Variants in MTMR7 observed in about 807,000 individuals in gnomAD.
The protein encoded by MTMR7 is phosphatidylinositol-3-phosphate phosphatase MTMR7.
A neutral mutation model predicts 81.2 loss-of-function variants in MTMR7; 76 were observed. That is an observed-to-expected ratio of 0.94 (90% CI 0.78 to 1.13). The LOEUF (loss-of-function observed/expected upper bound fraction) is 1.13. Ranked by LOEUF, MTMR7 falls within the 50% of genes most tolerant of loss-of-function variation. The pLI is 0.00. For missense variants in MTMR7, 1,044 were observed against 820.0 expected (o/e 1.27, Z -3.34); for synonymous variants, 372 against 289.8 (o/e 1.28, Z -2.88).
At chr8:17,306,217 A>G (rs959698487) in intron 10 of MTMR7, among the ~76,000 whole-genome samples, 8 of 152,318 alleles carry the variant, frequency 5.3e-5, no homozygotes, top group Admixed American at 1.3e-4. Context: ...TAAAATTCAA[A>G]GACACTTTCC....
At chr8:17,412,968 C>G (rs893377852) in intron 1 of MTMR7, among the ~76,000 whole-genome samples, 3 of 152,362 alleles carry the variant, frequency 2.0e-5, no homozygotes, top group African/African-American at 7.2e-5. Context: ...AAGGGTTGAT[C>G]TACACCCAGT....
intron 1 of MTMR7, among the ~76,000 whole-genome samples, chr8:17,375,132 G>T (rs1342068333): frequency 2.0e-5 from 3 of 152,108 alleles, no homozygotes; most frequent in Non-Finnish European, 4.4e-5. Context: ...GATCTAGTTT[G>T]GGAGTCTCAG....
chr8:17,370,966 C>T, intron 3 of MTMR7, 71 bp downstream of exon 3: 2 of 1,500,534 alleles, frequency 1.3e-6, no homozygotes, highest in Non-Finnish European at 9.1e-7. Flanking sequence ...AAGCACCATA[C>T]AAATTCTTGA....
At chr8:17,405,121 G>C (rs1010927688) in intron 1 of MTMR7, among the ~76,000 whole-genome samples, 1 of 152,204 alleles carries the variant, frequency 6.6e-6, no homozygotes, top group Non-Finnish European at 1.5e-5. Context: ...CAAAGTGTTG[G>C]GATTACAGGC....
intron 5 of MTMR7, among the ~76,000 whole-genome samples, chr8:17,347,105 G>A (rs1309225863): frequency 6.6e-6 from 1 of 150,764 alleles, no homozygotes; most frequent in African/African-American, 2.4e-5. Context: ...GAGATGGGAA[G>A]ATCACTTGAG....
At chr8:17,318,524 G>A (rs35225436) in intron 7 of MTMR7, among the ~76,000 whole-genome samples, 17,120 of 152,070 alleles carry the variant, frequency 0.11, 1,318 homozygotes, top group Non-Finnish European at 0.17. Context: ...CAAACATAAC[G>A]GATAGTGTTC....
intron 6 of MTMR7, among the ~76,000 whole-genome samples, chr8:17,337,041 C>T (rs1819262459): frequency 6.6e-6 from 1 of 152,158 alleles, no homozygotes; most frequent in East Asian, 1.9e-4. Context: ...AAAACAAAAC[C>T]CTCCTAACTT....
intron 1 of MTMR7, among the ~76,000 whole-genome samples, chr8:17,398,304 C>G (rs185922215): frequency 2.0e-5 from 3 of 152,218 alleles, no homozygotes; most frequent in Admixed American, 1.3e-4. Context: ...CAAGTTAACA[C>G]AGGGAAGGAA....
chr8:17,332,819 T>C (rs980409034), intron 6 of MTMR7, among the ~76,000 whole-genome samples: 7 of 152,132 alleles, frequency 4.6e-5, no homozygotes, highest in South Asian at 2.1e-4. Flanking sequence ...AACCAACTTA[T>C]AGATATGTAT....
intron 3 of MTMR7, 102 bp from the exon 4 acceptor site, chr8:17,361,376 T>G (rs1297544848): frequency 3.9e-6 from 5 of 1,270,002 alleles, no homozygotes; most frequent in Non-Finnish European, 4.5e-6. Flanking sequence ...AGAGAGGCCA[T>G]CCCAACCCCC....
chr8:17,402,732 G>A (rs555267902), intron 1 of MTMR7, among the ~76,000 whole-genome samples: 2 of 152,286 alleles, frequency 1.3e-5, no homozygotes, highest in East Asian at 3.9e-4. Context: ...TGGGAGCACA[G>A]GTATCTCTTG....
chr8:17,327,588 C>G (rs1818751400), intron 7 of MTMR7, among the ~76,000 whole-genome samples: 1 of 151,992 alleles, frequency 6.6e-6, no homozygotes, highest in Non-Finnish European at 1.5e-5. Context: ...CTTCCTGTAT[C>G]TTTATTTTTT....
In MTMR7 at chr8:17,346,863, T is replaced by C. The variant is rs532087062; in HGVS notation, c.597+2090A>G. Among the ~76,000 whole-genome samples, 6 of 129,582 alleles carry C rather than the reference T, an allele frequency of 4.6e-5. No individual in the cohort carries two copies. The South Asian group carries it at 7.9e-4, about 17-fold the overall frequency. 85.0% of individuals were successfully genotyped at this position (129,582 alleles called of 152,430 possible). A position where few individuals can be genotyped will look rare whatever the true frequency, so the allele number is the denominator to read the frequency against. On this transcript the variant is annotated intron_variant, in intron 5 of 13. Transcript: ENST00000180173. ...AAGTGCAACATCATGAAACTTCCTA[T>C]CTCTATTTATCCTATCTTAATAAAA...
At chr8:17,317,982 T>C (rs1586172537) in intron 7 of MTMR7, among the ~76,000 whole-genome samples, 1 of 152,126 alleles carries the variant, frequency 6.6e-6, no homozygotes, top group African/African-American at 2.4e-5. Context: ...ATGTTGTGTT[T>C]AACTGGAACA....
In MTMR7 at chr8:17,305,882, T is replaced by C; in HGVS notation, c.1227A>G (p.Leu409=). The C allele has an allele frequency of 6.2e-7, 1 of 1,613,810 alleles. No homozygotes were observed. The part of the protein sequence containing the change: ...IDQFIECVWQ[L]MEQFPCAFEF... ...CAAAGGCACAGGGAAATTGTTCCATTAACTGCCAAACACACTCAATGAACT... is the reference window on the plus strand; with the variant it reads ...CAAAGGCACAGGGAAATTGTTCCATCAACTGCCAAACACACTCAATGAACT... The change falls in exon 11 of 14, where the codon TTA becomes TTG. Residue 409 remains leucine (L), a synonymous_variant. Coordinates refer to ENST00000180173, the MANE Select transcript of MTMR7 (RefSeq NM_004686.5).
intron 4 of MTMR7, among the ~76,000 whole-genome samples, chr8:17,360,465 T>C (rs1249625735): frequency 6.7e-6 from 1 of 148,896 alleles, no homozygotes; most frequent in Non-Finnish European, 1.5e-5. Context: ...AAAAATGGGA[T>C]GGTGGGTTTG....
At chr8:17,410,686 G>T (rs1056151423) in intron 1 of MTMR7, among the ~76,000 whole-genome samples, 1 of 152,182 alleles carries the variant, frequency 6.6e-6, no homozygotes, top group African/African-American at 2.4e-5. Context: ...CCCCTAGAAA[G>T]AAATATGTGC....
chr8:17,377,709 G>A (rs1463673714), intron 1 of MTMR7, among the ~76,000 whole-genome samples: 2 of 151,990 alleles, frequency 1.3e-5, no homozygotes, highest in African/African-American at 2.4e-5. Flanking sequence ...TTTATCCTGT[G>A]AATATTATTC....
intron 1 of MTMR7, among the ~76,000 whole-genome samples, chr8:17,374,847 G>A (rs775236831): frequency 4.0e-5 from 6 of 151,704 alleles, no homozygotes; most frequent in Non-Finnish European, 8.8e-5. Flanking sequence ...GGTGGCTCAC[G>A]CCTGTAATCC....
Sources: allele counts gnomAD v4.1 joint callset (sites outside exome capture counted in the v4.1 genomes callset), GRCh38; gene constraint gnomAD v4.1.1; transcripts MANE v1.5; gene names NCBI Gene and HGNC (gene_info 2026-07-23, HGNC 2026-07-21).